Variants in CNBD1 observed in about 807,000 individuals in gnomAD.
CNBD1 encodes cyclic nucleotide-binding domain-containing protein 1.
CNBD1 carries 71 observed loss-of-function variants against 54.4 expected under a neutral mutation model. The observed-to-expected ratio is 1.30, with a 90% confidence interval of 1.08 to 1.59. The LOEUF (loss-of-function observed/expected upper bound fraction) is 1.59, where lower values mean the gene tolerates loss of function less well. CNBD1 is among the 40% of genes most tolerant of loss of function. The pLI is 0.00. For missense variants in CNBD1, 659 were observed against 518.0 expected (o/e 1.27, Z -2.64); for synonymous variants, 182 against 170.7 (o/e 1.07, Z -0.51).
chr8:87,400,087 G>A (rs1003372879), intron 2 of CNBD1, among the ~76,000 whole-genome samples: 2 of 151,826 alleles, frequency 1.3e-5, no homozygotes, highest in Non-Finnish European at 2.9e-5. Flanking sequence ...TCTTCCAGGG[G>A]CAAGATCCTT....
intron 1 of CNBD1, among the ~76,000 whole-genome samples, chr8:86,877,332 A>G (rs763558477): frequency 1.8e-4 from 28 of 152,138 alleles, no homozygotes; most frequent in Non-Finnish European, 2.8e-4. Context: ...ACACTTTATT[A>G]GTACATTTTG....
At chr8:87,423,924 T>C (rs1036546697) in intron 2 of CNBD1, among the ~76,000 whole-genome samples, 65 of 152,360 alleles carry the variant, frequency 4.3e-4, no homozygotes, top group Middle Eastern at 3.4e-3. Flanking sequence ...TTTTGGTTGG[T>C]AAGCTATTGA....
intron 4 of CNBD1, among the ~76,000 whole-genome samples, chr8:87,108,838 T>A (rs1252553054): frequency 1.3e-5 from 2 of 152,206 alleles, no homozygotes; most frequent in Non-Finnish European, 2.9e-5. Flanking sequence ...AATGAAATAT[T>A]CTTCTTGTAT....
intron 2 of CNBD1, among the ~76,000 whole-genome samples, chr8:87,428,000 C>T (rs980018652): frequency 6.6e-6 from 1 of 151,986 alleles, no homozygotes; most frequent in Non-Finnish European, 1.5e-5. Context: ...GCCTGATATA[C>T]TCTCTTGTCT....
At chr8:87,183,834 C>G (rs919773439) in intron 4 of CNBD1, among the ~76,000 whole-genome samples, 2 of 152,214 alleles carry the variant, frequency 1.3e-5, no homozygotes, top group African/African-American at 2.4e-5. Flanking sequence ...GCTGTATGCT[C>G]TAACCCTGGG....
At chr8:86,904,310 A>AT (rs1172271332) in intron 2 of CNBD1, among the ~76,000 whole-genome samples, 2 of 152,176 alleles carry the variant, frequency 1.3e-5, no homozygotes, top group East Asian at 1.9e-4. Flanking sequence ...AATGTTTAGC[A>AT]TTTTTTAAAA....
At chr8:86,942,862 A>G (rs1056806586) in intron 4 of CNBD1, among the ~76,000 whole-genome samples, 2 of 152,208 alleles carry the variant, frequency 1.3e-5, no homozygotes, top group East Asian at 1.9e-4. Flanking sequence ...TATAAACACA[A>G]CACTAAAGTA....
chr8:87,097,947 TA>T (rs562232836), intron 4 of CNBD1, among the ~76,000 whole-genome samples: 1 of 152,250 alleles, frequency 6.6e-6, no homozygotes, highest in Non-Finnish European at 1.5e-5. Context: ...GGATGGCACA[TA>T]AATATGTATG....
intron 3 of CNBD1, among the ~76,000 whole-genome samples, chr8:86,931,369 T>C (rs1809454772): frequency 6.6e-6 from 1 of 152,176 alleles, no homozygotes. Flanking sequence ...GATCATCTGG[T>C]TGGGGGCTTC....
intron 8 of CNBD1, 100 bp downstream of exon 8, chr8:87,286,771 A>T: frequency 1.3e-6 from 1 of 790,418 alleles, no homozygotes; most frequent in Admixed American, 2.9e-5. Context: ...ATTTCTTCAT[A>T]TAAATATTCT....
intron 4 of CNBD1, among the ~76,000 whole-genome samples, chr8:87,144,676 A>G (rs1313013868): frequency 2.0e-5 from 3 of 151,890 alleles, no homozygotes; most frequent in Non-Finnish European, 4.4e-5. Context: ...ACAAAATTAG[A>G]CAGGCATGAT....
intron 4 of CNBD1, among the ~76,000 whole-genome samples, chr8:87,013,292 TA>T (rs1260231450): frequency 6.6e-6 from 1 of 152,190 alleles, no homozygotes; most frequent in East Asian, 1.9e-4. Flanking sequence ...GGTGCATTTC[TA>T]AAGGGTCTTC....
intron 6 of CNBD1, among the ~76,000 whole-genome samples, chr8:87,280,789 GTAT>G (rs1397369864): frequency 4.0e-5 from 6 of 151,274 alleles, no homozygotes; most frequent in Non-Finnish European, 8.9e-5. Flanking sequence ...TTCGGGTTAT[GTAT>G]TATTATAGAA....
chr8:87,381,439 A>G (rs2130959975), intron 10 of CNBD1, among the ~76,000 whole-genome samples: 1 of 152,136 alleles, frequency 6.6e-6, no homozygotes, highest in Admixed American at 6.6e-5. Context: ...GGGAGCACAA[A>G]ATGATGTAGC....
intron 4 of CNBD1, among the ~76,000 whole-genome samples, chr8:86,970,514 T>G (rs1019888114): frequency 2.6e-5 from 4 of 152,164 alleles, no homozygotes; most frequent in African/African-American, 9.7e-5. Flanking sequence ...CATGGGTATA[T>G]TGTATAGTGC....
At chr8:87,259,370 C>G (rs942735584) in intron 6 of CNBD1, among the ~76,000 whole-genome samples, 1 of 152,096 alleles carries the variant, frequency 6.6e-6, no homozygotes, top group Non-Finnish European at 1.5e-5. Context: ...ATAAATTGAA[C>G]AATTTTCAAA....
At chr8:87,339,611 C>G (rs1810024268) in intron 8 of CNBD1, among the ~76,000 whole-genome samples, 2 of 152,008 alleles carry the variant, frequency 1.3e-5, no homozygotes, top group Admixed American at 6.6e-5. Flanking sequence ...AACCATAAAT[C>G]TCATTTTGTT....
At chr8:86,974,625 C>A (rs1437710543) in intron 4 of CNBD1, among the ~76,000 whole-genome samples, 2 of 151,918 alleles carry the variant, frequency 1.3e-5, no homozygotes, top group African/African-American at 4.8e-5. Context: ...CAGAATGTTA[C>A]ATGTTAAATT....
intron 2 of CNBD1, among the ~76,000 whole-genome samples, chr8:87,422,671 C>G (rs1184392716): frequency 6.6e-6 from 1 of 152,126 alleles, no homozygotes; most frequent in Admixed American, 6.5e-5. Context: ...GTTTTGGTTA[C>G]TGTAGCCTTG....
Sources: allele counts gnomAD v4.1 joint callset (sites outside exome capture counted in the v4.1 genomes callset), GRCh38; gene constraint gnomAD v4.1.1; transcripts MANE v1.5; gene names NCBI Gene and HGNC (gene_info 2026-07-23, HGNC 2026-07-21).